RGSL1: variants seen among roughly 807,000 people sequenced by gnomAD.
RGSL1 encodes regulator of G protein signaling like 1, also known as regulator of G protein signaling protein-like.
RGSL1 carries 97 observed loss-of-function variants against 124.7 expected under a neutral mutation model. That is an observed-to-expected ratio of 0.78 (90% CI 0.66 to 0.92). The LOEUF is 0.92. Ranked by LOEUF, RGSL1 falls within the 40% of genes least tolerant of loss-of-function variation. The pLI is 0.00. For missense variants in RGSL1, 1,233 were observed against 1,288.4 expected (o/e 0.96, Z 0.66); for synonymous variants, 424 against 438.1 (o/e 0.97, Z 0.40).
At chr1:182,552,588 C>G (rs1660633802) in intron 18 of RGSL1, among the ~76,000 whole-genome samples, 1 of 152,146 alleles carries the variant, frequency 6.6e-6, no homozygotes, top group Non-Finnish European at 1.5e-5. Context: ...CATGGTGCTC[C>G]CCTCTCTCAG....
intron 21 of RGSL1, among the ~76,000 whole-genome samples, chr1:182,558,017 A>AACCTGG (rs1660960916): frequency 6.6e-6 from 1 of 152,110 alleles, no homozygotes. Context: ...CAAGCCAGCC[A>AACCTGG]ACCTGGTGTT....
chr1:182,503,042 G>A (rs953817247), intron 9 of RGSL1, among the ~76,000 whole-genome samples: 1 of 152,130 alleles, frequency 6.6e-6, no homozygotes, highest in African/African-American at 2.4e-5. Context: ...AGGAAACCCT[G>A]GCACACTGTT....
intron 9 of RGSL1, 45 bp from the exon 10 acceptor site, chr1:182,521,959 T>C: frequency 7.8e-7 from 1 of 1,281,188 alleles, no homozygotes; most frequent in Non-Finnish European, 1.1e-6. Context: ...TCCCTTTTCA[T>C]TGCTTATAAT....
intron 4 of RGSL1, among the ~76,000 whole-genome samples, chr1:182,461,135 T>C (rs1226494173): frequency 6.7e-6 from 1 of 149,976 alleles, no homozygotes; most frequent in South Asian, 2.1e-4. Flanking sequence ...TTCATTTTTC[T>C]CTTTTTTTTT....
chr1:182,458,267 T>C (rs1331861762), intron 2 of RGSL1, 52 bp from the exon 3 acceptor site: 23 of 1,359,840 alleles, frequency 1.7e-5, no homozygotes, highest in Non-Finnish European at 1.0e-6. Context: ...CTGTGTCATA[T>C]ACATGAAGAG....
chr1:182,503,491 G>A (rs606835), intron 9 of RGSL1, among the ~76,000 whole-genome samples: 130,904 of 151,768 alleles, frequency 0.86, 56,745 homozygotes, highest in African/African-American at 0.89. Flanking sequence ...CAAACATCGC[G>A]TGTTCTCACA....
intron 9 of RGSL1, among the ~76,000 whole-genome samples, chr1:182,501,313 T>TC (rs1656363040): frequency 1.8e-4 from 3 of 16,230 alleles, no homozygotes; most frequent in African/African-American, 5.4e-4. Flanking sequence ...TTTTCTTTTT[T>TC]TTTTTTTTTT....
Position 182,530,229 on chromosome 1 carries a change from T to A in RGSL1, c.2126-15T>A, listed in dbSNP as rs1485825634. The A allele has an allele frequency of 6.5e-7, 1 of 1,535,552 alleles. No individual in the cohort carries two copies. The highest frequency in any genetic ancestry group is 8.8e-7 in the Non-Finnish European group (1 of 1,135,572). On this transcript the variant is annotated splice_polypyrimidine_tract_variant and intron_variant, in intron 11 of 21. Coordinates refer to ENST00000294854, the MANE Select transcript of RGSL1 (RefSeq NM_001137669.2). ...GATGAGGATTACAGCTTCTTTTCTC[T>A]CTTGCATTTTCTAGAAGAAATGCTG...
rs1420499396 is a variant in RGSL1, at chr1:182,548,452, G to A, written c.2805G>A (p.Leu935=). ...LFLNSDIPPK[L]RVNVPEFQKD... is the part of the protein sequence containing the mutation. Reference sequence around the variant, plus strand: ...TGAATTCTGACATCCCTCCAAAGCTGAGGGTAAGAAAGACTCCCACTCCAC... The same window carrying A: ...TGAATTCTGACATCCCTCCAAAGCTAAGGGTAAGAAAGACTCCCACTCCAC... The change falls in exon 16 of 22, where the codon CTG becomes CTA. Residue 935 remains leucine, a synonymous_variant. Coordinates refer to ENST00000294854, the MANE Select transcript of RGSL1 (RefSeq NM_001137669.2). 2 of 1,551,656 alleles carry A rather than the reference G, an allele frequency of 1.3e-6. No individual in the cohort carries two copies. Among genetic ancestry groups the A allele is most frequent in the Non-Finnish European group, 8.7e-7 (1 of 1,146,992 alleles).
At chr1:182,462,478 TC>T (rs1652926136) in intron 4 of RGSL1, among the ~76,000 whole-genome samples, 1 of 152,154 alleles carries the variant, frequency 6.6e-6, no homozygotes, top group African/African-American at 2.4e-5. Context: ...AAAGCTATCA[TC>T]ATTGTAATGA....
chr1:182,454,376 C>T (rs1457402819), intron 2 of RGSL1, among the ~76,000 whole-genome samples: 2 of 152,166 alleles, frequency 1.3e-5, no homozygotes, highest in Admixed American at 1.3e-4. Context: ...CTGGCATTCC[C>T]CCACCTCTGA....
chr1:182,460,747 T>A (rs1381749654), intron 4 of RGSL1: 2 of 455,842 alleles, frequency 4.4e-6, no homozygotes, highest in Non-Finnish European at 8.8e-6. Context: ...ACTGGCAGAA[T>A]CTGTATGATG....
intron 9 of RGSL1, among the ~76,000 whole-genome samples, chr1:182,493,804 A>G (rs1207225327): frequency 6.6e-6 from 1 of 152,148 alleles, no homozygotes; most frequent in Non-Finnish European, 1.5e-5. Context: ...ATCTAGGGGA[A>G]TGAGTGCTTT....
chr1:182,529,789 CTT>C (rs1346398007), intron 11 of RGSL1, among the ~76,000 whole-genome samples: 1 of 152,010 alleles, frequency 6.6e-6, no homozygotes, highest in Non-Finnish European at 1.5e-5. Context: ...CAGATCCTAT[CTT>C]TGATTATTTT....
chr1:182,535,408 AAG>A (rs749244054), intron 14 of RGSL1, among the ~76,000 whole-genome samples: 34 of 152,300 alleles, frequency 2.2e-4, no homozygotes, highest in Non-Finnish European at 4.4e-4. Flanking sequence ...AAGCAATCAA[AAG>A]AGGAGTTTTA....
intron 21 of RGSL1, among the ~76,000 whole-genome samples, chr1:182,559,966 G>A (rs1025706939): frequency 1.3e-5 from 2 of 152,166 alleles, no homozygotes; most frequent in African/African-American, 4.8e-5. Context: ...TTTGTACCTA[G>A]AATAGACCAA....
rs773748257 is a variant in RGSL1, at chr1:182,473,756, C to G, written c.645C>G (p.Tyr215Ter). The G allele has an allele frequency of 5.8e-6, 9 of 1,551,574 alleles. No individual in the cohort carries two copies. In the East Asian group the frequency reaches 2.2e-4, roughly 38 times the overall value. The stretch of plus-strand genomic sequence containing the variant: ...CATGCCATGGTCTGATGCAAGAGTA[C>G]GAGACTCGCTTATACAGCGTTTGCT... The part of the protein sequence containing the change: ...EEACHGLMQE[Y>*]ETRLYSVCYT... Residue 215 changes from tyrosine (Y) to a stop codon, truncating the protein, a stop_gained, in exon 6 of 22, where the codon TAC becomes TAG. Coordinates refer to ENST00000294854, the MANE Select transcript of RGSL1 (RefSeq NM_001137669.2). LOFTEE classifies it high-confidence loss of function.
intron 6 of RGSL1, among the ~76,000 whole-genome samples, chr1:182,482,856 T>C (rs1654817018): frequency 6.6e-6 from 1 of 152,186 alleles, no homozygotes; most frequent in Non-Finnish European, 1.5e-5. Flanking sequence ...ATAGCCAAGA[T>C]ATGAAAACAA....
At chr1:182,462,586 T>G (rs1652938245) in intron 4 of RGSL1, among the ~76,000 whole-genome samples, 1 of 152,156 alleles carries the variant, frequency 6.6e-6, no homozygotes, top group Non-Finnish European at 1.5e-5. Context: ...TAATGTAACT[T>G]TGGTTGGTAA....
Sources: allele counts gnomAD v4.1 joint callset (sites outside exome capture counted in the v4.1 genomes callset), GRCh38; gene constraint gnomAD v4.1.1; transcripts MANE v1.5; gene names NCBI Gene and HGNC (gene_info 2026-07-23, HGNC 2026-07-21).